Variants in ACACB observed in about 807,000 individuals in gnomAD.
ACACB encodes the protein acetyl-CoA carboxylase beta.
Under a neutral mutation model 278.8 loss-of-function variants are expected in ACACB, and 209 were observed. The ratio of observed to expected loss-of-function variants is 0.75; its 90% CI spans 0.67 to 0.84. ACACB has a LOEUF of 0.84. Ranked by LOEUF, ACACB falls within the 40% of genes least tolerant of loss-of-function variation. The probability of loss-of-function intolerance (pLI) is 0.00; values close to 1 mark genes in which losing one functional copy is unlikely to be tolerated. For missense variants in ACACB, 2,850 were observed against 3,269.0 expected (o/e 0.87, Z 3.13); for synonymous variants, 1,174 against 1,285.6 (o/e 0.91, Z 1.86).
At chr12:109,179,457 A>T in intron 10 of ACACB, 160 bp downstream of exon 10, 1 of 735,400 alleles carries the variant, frequency 1.4e-6, no homozygotes, top group East Asian at 2.7e-5. Context: ...ACACAGGTTT[A>T]TTGGATTAGC....
intron 2 of ACACB, among the ~76,000 whole-genome samples, chr12:109,145,180 G>T (rs1395717611): frequency 2.0e-5 from 3 of 152,184 alleles, no homozygotes; most frequent in Non-Finnish European, 2.9e-5. Context: ...TTGGAAAACT[G>T]GTCAGTTTCA....
In ACACB at chr12:109,248,297, G is replaced by GGGAC. The variant is rs367575858; in HGVS notation, c.5669+595_5669+598dup. Among the ~76,000 whole-genome samples, 311 of 152,300 alleles carry GGGAC rather than the reference G, an allele frequency of 2.0e-3. 3 individuals are homozygous for GGGAC. The highest frequency in any genetic ancestry group is 7.0e-3 in the African/African-American group (292 of 41,552). Reference sequence around the variant, plus strand: ...GCTGTATTAGTCAGCGTTCTCCAGAGGGACAGGACTAGTAGGATATATGTA... The same window carrying GGGAC: ...GCTGTATTAGTCAGCGTTCTCCAGAGGGACGGACAGGACTAGTAGGATATATGTA... On this transcript the variant is annotated intron_variant, in intron 40 of 52. Coordinates refer to ENST00000338432, the MANE Select transcript of ACACB (RefSeq NM_001093.4).
chr12:109,166,773 C>G (rs1593447785), intron 2 of ACACB, 88 bp from the exon 3 acceptor site: 1 of 1,531,812 alleles, frequency 6.5e-7, no homozygotes, highest in African/African-American at 1.4e-5. Flanking sequence ...CAGTTTGGCT[C>G]CTCTGCTCCA....
intron 16 of ACACB, among the ~76,000 whole-genome samples, chr12:109,195,922 G>A (rs149201486): frequency 3.2e-4 from 49 of 152,334 alleles, no homozygotes; most frequent in Middle Eastern, 6.8e-3. Flanking sequence ...AAATAGCTGT[G>A]TGTGGTTAGG....
At chr12:109,122,406 T>C (rs1273343133) in intron 1 of ACACB, among the ~76,000 whole-genome samples, 1 of 151,880 alleles carries the variant, frequency 6.6e-6, no homozygotes, top group East Asian at 1.9e-4. Flanking sequence ...AGTCCCTGTC[T>C]GTATAAAATA....
At chr12:109,244,348 C>A (rs893178161) in intron 37 of ACACB, among the ~76,000 whole-genome samples, 2 of 152,146 alleles carry the variant, frequency 1.3e-5, no homozygotes, top group African/African-American at 4.8e-5. Context: ...CTGTCCCTAG[C>A]CAAGTTCCTT....
At chr12:109,241,823 C>CAT (rs2046807314) in intron 36 of ACACB, 2 of 162,538 alleles carry the variant, frequency 1.2e-5, no homozygotes, top group African/African-American at 4.8e-5. Context: ...TAAAAATATA[C>CAT]ATATATATAC....
intron 24 of ACACB, among the ~76,000 whole-genome samples, chr12:109,218,206 C>T (rs1365458503): frequency 6.6e-6 from 1 of 152,020 alleles, no homozygotes; most frequent in Non-Finnish European, 1.5e-5. Flanking sequence ...TGTTTTTTGT[C>T]TGTTTTTTCT....
chr12:109,257,624 G>T lies in ACACB; in HGVS notation c.6264-644G>T, dbSNP rs1373271503. Reference sequence around the variant, plus strand: ...CTTGCTCTGTCACCCAGGCTGGAGTGCAGAGGCATGATCGCTGTTCACTGC... The same window carrying T: ...CTTGCTCTGTCACCCAGGCTGGAGTTCAGAGGCATGATCGCTGTTCACTGC... On this transcript the variant is annotated intron_variant, in intron 45 of 52. Transcript: ENST00000338432. Among the ~76,000 whole-genome samples the T allele has an allele frequency of 4.6e-5, 7 of 152,294 alleles. No individual in the cohort carries two copies. The East Asian group carries it at 1.4e-3, about 29-fold the overall frequency.
chr12:109,195,112 C>T (rs111841606), intron 16 of ACACB, among the ~76,000 whole-genome samples: 4 of 152,044 alleles, frequency 2.6e-5, no homozygotes, highest in Admixed American at 1.3e-4. Context: ...GGTGTCCTAG[C>T]CATGGTGTTC....
chr12:109,235,488 T>C (rs2046607622), intron 32 of ACACB, 118 bp from the exon 33 acceptor site: 1 of 1,418,658 alleles, frequency 7.0e-7, no homozygotes, highest in Non-Finnish European at 9.9e-7. Flanking sequence ...GGAGAAGGAT[T>C]TCCAAATGAT....
Position 109,204,326 on chromosome 12 carries a change from G to A in ACACB, c.2914-2384G>A, listed in dbSNP as rs1271665828. On this transcript the variant is annotated intron_variant, in intron 19 of 52. Transcript: ENST00000338432. ...TTTTGCTCTTGTCGCCCAGGCTGGA[G>A]TGCAGTGGCGTGATCTCAGCTCACT... Among the ~76,000 whole-genome samples the A allele has an allele frequency of 5.0e-5, 7 of 139,664 alleles. No individual in the cohort carries two copies. In the Admixed American group the frequency reaches 5.3e-4, roughly 11 times the overall value. 91.6% of individuals were successfully genotyped at this position (139,664 alleles called of 152,430 possible). A position where few individuals can be genotyped will look rare whatever the true frequency, so the allele number is the denominator to read the frequency against.
intron 16 of ACACB, among the ~76,000 whole-genome samples, chr12:109,195,832 T>G (rs2045105985): frequency 6.6e-6 from 1 of 152,156 alleles, no homozygotes; most frequent in South Asian, 2.1e-4. Context: ...ATGCTGCCCT[T>G]ATGTGGTGAC....
At chr12:109,206,003 T>C (rs2045495468) in intron 19 of ACACB, among the ~76,000 whole-genome samples, 1 of 152,198 alleles carries the variant, frequency 6.6e-6, no homozygotes, top group Admixed American at 6.6e-5. Flanking sequence ...TTTTATGATT[T>C]ACAAAAATCA....
chr12:109,235,374 G>A lies in ACACB; in HGVS notation c.4404+5G>A. On this transcript the variant is annotated splice_donor_5th_base_variant and intron_variant, in intron 32 of 52. Transcript: ENST00000338432. Reference sequence around the variant, plus strand: ...ACATTCTTGATTGCCCAAGAGGTTAGTTCACAGTTCATCTCTATGAGTCTT... The same window carrying A: ...ACATTCTTGATTGCCCAAGAGGTTAATTCACAGTTCATCTCTATGAGTCTT... 6.2e-7 allele frequency: 1 copy of A among 1,612,486 alleles called. No individual in the cohort carries two copies. Among genetic ancestry groups the A allele is most frequent in the Non-Finnish European group, 8.5e-7 (1 of 1,178,506 alleles).
chr12:109,129,713 C>T (rs866031778), intron 1 of ACACB, among the ~76,000 whole-genome samples: 3 of 152,168 alleles, frequency 2.0e-5, no homozygotes, highest in Admixed American at 6.5e-5. Context: ...CCTCTGCCCC[C>T]CAAAAGCAGT....
At position 109,153,243 on chromosome 12, in the gene ACACB, C is replaced by T. The variant is rs1383224187; in HGVS notation, c.653+13185C>T. Among the ~76,000 whole-genome samples the T allele has an allele frequency of 2.6e-5, 4 of 152,094 alleles. No homozygotes were observed. The East Asian group carries it at 7.7e-4, about 29-fold the overall frequency. ...ACCTCAAGTGATCTGCCCACCTCGGCCCCCCAAAGTGCTGGGATTACAGGC... is the reference window on the plus strand; with the variant it reads ...ACCTCAAGTGATCTGCCCACCTCGGTCCCCCAAAGTGCTGGGATTACAGGC... On this transcript the variant is annotated intron_variant, in intron 2 of 52. Transcript: ENST00000338432.
chr12:109,210,518 C>T (rs1157010800), intron 21 of ACACB, among the ~76,000 whole-genome samples: 1 of 146,610 alleles, frequency 6.8e-6, no homozygotes, highest in Non-Finnish European at 1.5e-5. Context: ...TACGCACATA[C>T]ATGTGTATAT....
Position 109,192,874 on chromosome 12 carries a change from C to A in ACACB, c.2400-774C>A, listed in dbSNP as rs73191123. ...GATGGGGTCTCACTATGTTGCCCCC[C>A]AGGCTGGTCTCAAACTCATGGCCTC... is the stretch of plus-strand genomic sequence containing the variant. On this transcript the variant is annotated intron_variant, in intron 15 of 52. Coordinates refer to ENST00000338432, the MANE Select transcript of ACACB (RefSeq NM_001093.4). Among the ~76,000 whole-genome samples the A allele has an allele frequency of 3.3e-5, 5 of 152,234 alleles. No homozygotes were observed. In the East Asian group the frequency reaches 9.7e-4, roughly 29 times the overall value.
Sources: gnomAD v4.1 joint callset for allele counts (sites outside exome capture counted in the v4.1 genomes callset) on GRCh38, gnomAD v4.1.1 for gene constraint, MANE v1.5 for transcripts, NCBI Gene and HGNC (gene_info 2026-07-23, HGNC 2026-07-21) for gene names.